BFSP1: variants seen among roughly 807,000 people sequenced by gnomAD.
BFSP1 encodes the protein beaded filament structural protein 1.
A neutral mutation model predicts 43.9 loss-of-function variants in BFSP1; 38 were observed. The ratio of observed to expected loss-of-function variants is 0.87; its 90% CI spans 0.67 to 1.14. BFSP1 has a LOEUF of 1.14. Ranked by LOEUF, BFSP1 falls within the 50% of genes most tolerant of loss-of-function variation. The pLI, the probability that BFSP1 is intolerant of heterozygous loss-of-function variation, is 0.00. For missense variants in BFSP1, 850 were observed against 875.1 expected (o/e 0.97, Z 0.36); for synonymous variants, 352 against 354.8 (o/e 0.99, Z 0.09).
At chr20:17,520,210 G>C (rs1600656902) in intron 2 of BFSP1, among the ~76,000 whole-genome samples, 2 of 133,338 alleles carry the variant, frequency 1.5e-5, no homozygotes, top group Admixed American at 7.9e-5. Context: ...GTTTTAACGT[G>C]CCCCCCCACC....
Position 17,530,979 on chromosome 20 carries a change from C to G in BFSP1, c.351G>C (p.Gln117His). The stretch of plus-strand genomic sequence containing the variant: ...TGCTTCGGAACTCGTCGAGCGCGCG[C>G]TGCGCCTCGGTGCCCTGGCGCTCCA... ...ARLERQGTEA[Q>H]RALDEFRSKY... Residue 117 changes from glutamine (Q) to histidine (H), a missense_variant, in exon 1 of 8, where the codon CAG becomes CAC. Transcript: ENST00000377873. The G allele has an allele frequency of 6.9e-7, 1 of 1,439,224 alleles. No homozygotes were observed. Among genetic ancestry groups the G allele is most frequent in the Non-Finnish European group, 9.1e-7 (1 of 1,100,122 alleles). The allele number at this position is 1,439,224 out of a possible 1,614,324, so 89.2% of individuals were successfully genotyped here.
intron 1 of BFSP1, among the ~76,000 whole-genome samples, chr20:17,538,024 G>C (rs2034657590): frequency 6.6e-6 from 1 of 152,028 alleles, no homozygotes; most frequent in Non-Finnish European, 1.5e-5. Flanking sequence ...GGGAGGCTGA[G>C]ATGAGAGGAT....
In BFSP1 at chr20:17,494,842, A is replaced by G; in HGVS notation, c.1230T>C (p.Ser410=). The change falls in exon 8 of 8, where the codon TCT becomes TCC. Residue 410 remains serine, a synonymous_variant. Transcript: ENST00000377873. ...CTTCTTTACTTTCTGATTCAAACTTAGATTCACTTTCCTCTTTAAGTACCA... is the reference window on the plus strand; with the variant it reads ...CTTCTTTACTTTCTGATTCAAACTTGGATTCACTTTCCTCTTTAAGTACCA... ...VQVVLKEESE[S]KFESESKEVS... 5 of 1,614,164 alleles carry G rather than the reference A, an allele frequency of 3.1e-6. No homozygotes were observed. In the South Asian group the frequency reaches 5.5e-5, roughly 18 times the overall value.
Position 17,542,354 on chromosome 20 carries a change from C to A in BFSP1, c.2+16334G>T, listed in dbSNP as rs185760629. ...CCTGTAATCCCTGCACTTTAGGAGG[C>A]CGAGATAGGAGGACTGCTTGAGCCC... On this transcript the variant is annotated intron_variant, in intron 1 of 7. Coordinates refer to the BFSP1 transcript ENST00000377868. 1.8e-3 allele frequency among the ~76,000 whole-genome samples: 265 copies of A among 151,118 alleles called. 3 individuals carry two copies. The highest frequency in any genetic ancestry group is 0.015 in the Admixed American group (223 of 15,114).
At chr20:17,516,813 T>G (rs2034210469) in intron 2 of BFSP1, 1 of 564,866 alleles carries the variant, frequency 1.8e-6, no homozygotes, top group Non-Finnish European at 3.2e-6. Context: ...TCCTTTTCCA[T>G]TAGCCACCTG....
At chr20:17,536,024 T>G (rs946591808), upstream of BFSP1, among the ~76,000 whole-genome samples, 10 of 152,154 alleles carry the variant, frequency 6.6e-5, no homozygotes, top group Middle Eastern at 3.2e-3. Context: ...GCAATCCTCC[T>G]GCCTCAGCCT....
rs2034671470 is a variant in BFSP1, at chr20:17,538,872, T to C, written c.3-13964A>G. Among the ~76,000 whole-genome samples the C allele has an allele frequency of 2.0e-5, 3 of 152,148 alleles. No individual in the cohort carries two copies. The South Asian group carries it at 6.2e-4, about 31-fold the overall frequency. Reference sequence around the variant, plus strand: ...CTGCCCTATATTTCTCTCTAAGATATCATTAAACAAACCTACCACCACTTT... The same window carrying C: ...CTGCCCTATATTTCTCTCTAAGATACCATTAAACAAACCTACCACCACTTT... On this transcript the variant is annotated intron_variant, in intron 1 of 7. Coordinates refer to the BFSP1 transcript ENST00000377868.
At chr20:17,550,462 CT>C (rs66786068) in intron 1 of BFSP1, among the ~76,000 whole-genome samples, 22,232 of 130,954 alleles carry the variant, frequency 0.17, 1,273 homozygotes, top group East Asian at 0.33. Context: ...GACTATAATC[CT>C]TTTTTTTTTT....
intron 5 of BFSP1, among the ~76,000 whole-genome samples, chr20:17,505,711 C>T (rs1335901182): frequency 1.3e-5 from 2 of 152,212 alleles, no homozygotes; most frequent in Non-Finnish European, 2.9e-5. Context: ...AACATTCGCC[C>T]ACTCCCTGGG....
At chr20:17,511,187 C>T (rs374067474) in intron 4 of BFSP1, among the ~76,000 whole-genome samples, 1 of 152,126 alleles carries the variant, frequency 6.6e-6, no homozygotes, top group African/African-American at 2.4e-5. Context: ...GTTACTATCC[C>T]GTTGAGCAGC....
In BFSP1 at chr20:17,504,277, G is replaced by T. The variant is rs573634342; in HGVS notation, c.735+4612C>A. On this transcript the variant is annotated intron_variant, in intron 5 of 7. Transcript: ENST00000377873. ...TGAAGTGATGACTTGGTTTATAAAA[G>T]TGGACTGATGTCTATACCGATGTGG... Among the ~76,000 whole-genome samples the T allele has an allele frequency of 2.0e-5, 3 of 152,306 alleles. No individual in the cohort carries two copies. The East Asian group carries it at 5.8e-4, about 29-fold the overall frequency.
rs1462569129 is a variant in BFSP1, at chr20:17,531,358, C to T, written c.-29G>A. ...TGCTCTGGCGCGGGCGCGCGGGCGGCGCCGAGCCGGCTCTCCAGGAGGCCC... is the reference window on the plus strand; with the variant it reads ...TGCTCTGGCGCGGGCGCGCGGGCGGTGCCGAGCCGGCTCTCCAGGAGGCCC... On this transcript the variant is annotated 5_prime_UTR_variant, in exon 1 of 8. Coordinates refer to ENST00000377873, the MANE Select transcript of BFSP1 (RefSeq NM_001195.5). The T allele has an allele frequency of 2.2e-6, 3 of 1,350,764 alleles. No homozygotes were observed. Among genetic ancestry groups the T allele is most frequent in the Non-Finnish European group, 1.9e-6 (2 of 1,058,062 alleles). The allele number at this position is 1,350,764 out of a possible 1,614,324, so 83.7% of individuals were successfully genotyped here.
Position 17,558,813 on chromosome 20 carries a change from G to A in BFSP1, c.-124C>T, listed in dbSNP as rs148635873. The A allele has an allele frequency of 8.2e-5, 116 of 1,408,414 alleles. 1 individual carries two copies. The East Asian group carries it at 2.4e-3, about 30-fold the overall frequency. The allele number at this position is 1,408,414 out of a possible 1,614,324, so 87.2% of individuals were successfully genotyped here. On this transcript the variant is annotated 5_prime_UTR_variant, in exon 1 of 8. Transcript: ENST00000377868. Reference sequence around the variant, plus strand: ...AGGACTCCAAAACCCTCTCCAGAGGGCCAGGTCTGGGCTGAGAAAGAAAGG... The same window carrying A: ...AGGACTCCAAAACCCTCTCCAGAGGACCAGGTCTGGGCTGAGAAAGAAAGG...
At chr20:17,530,485 T>C (rs534655299) in intron 1 of BFSP1, among the ~76,000 whole-genome samples, 159 of 152,346 alleles carry the variant, frequency 1.0e-3, no homozygotes, top group African/African-American at 3.7e-3. Context: ...TAAGATTCTA[T>C]TTTTGTGGAA....
chr20:17,505,034 T>C (rs939398794), intron 5 of BFSP1, among the ~76,000 whole-genome samples: 1 of 151,968 alleles, frequency 6.6e-6, no homozygotes, highest in Non-Finnish European at 1.5e-5. Flanking sequence ...AAATGAGACA[T>C]GGGCGGTTCC....
intron 3 of BFSP1, among the ~76,000 whole-genome samples, chr20:17,513,319 G>A (rs1444136180): frequency 6.6e-6 from 1 of 152,174 alleles, no homozygotes; most frequent in Non-Finnish European, 1.5e-5. Flanking sequence ...CCTGACCTGA[G>A]CAGTATTTCA....
In BFSP1 at chr20:17,508,944, T is replaced by G. The variant is rs962026900; in HGVS notation, c.680A>C (p.Glu227Ala). The G allele has an allele frequency of 1.2e-6, 2 of 1,604,922 alleles. No homozygotes were observed. The highest frequency in any genetic ancestry group is 1.7e-6 in the Non-Finnish European group (2 of 1,176,480). The change falls in exon 5 of 8, where the codon GAG becomes GCG. Residue 227 changes from glutamate to alanine, a missense_variant. Transcript: ENST00000377873. ...CAGGTGGGAGAGCACCTCCCGGCCC[T>G]CCTCCAGCTGACTCCGCAGGGCGGC... ...EVAALRSQLE[E>A]GREVLSHLQA... is the part of the protein sequence containing the mutation.
intron 1 of BFSP1, among the ~76,000 whole-genome samples, chr20:17,526,403 T>G (rs886874486): frequency 3.9e-5 from 6 of 152,196 alleles, no homozygotes. Flanking sequence ...AACTACCTTA[T>G]GTAAGTGGAA....
At chr20:17,553,436 A>G (rs1044432867) in intron 1 of BFSP1, among the ~76,000 whole-genome samples, 11 of 152,230 alleles carry the variant, frequency 7.2e-5, no homozygotes. Context: ...CAACAACTTC[A>G]ACAAATATTT....
Sources: allele counts gnomAD v4.1 joint callset (sites outside exome capture counted in the v4.1 genomes callset), GRCh38; gene constraint gnomAD v4.1.1; transcripts MANE v1.5; gene names NCBI Gene and HGNC (gene_info 2026-07-23, HGNC 2026-07-21).